Variants in SYN2 observed in about 807,000 individuals in gnomAD.
The protein encoded by SYN2 is synapsin II.
A neutral mutation model predicts 50.9 loss-of-function variants in SYN2; 19 were observed. That is an observed-to-expected ratio of 0.37 (90% CI 0.26 to 0.55). SYN2 has a LOEUF of 0.55. Among genes scored for constraint, SYN2 ranks in the 20% least tolerant of loss-of-function variants. SYN2 has a pLI of 0.81. For missense variants in SYN2, 587 were observed against 576.4 expected (o/e 1.02, Z -0.19); for synonymous variants, 255 against 224.9 (o/e 1.13, Z -1.20).
At chr3:12,033,324 G>A (rs1195580854) in intron 1 of SYN2, among the ~76,000 whole-genome samples, 1 of 152,194 alleles carries the variant, frequency 6.6e-6, no homozygotes, top group Non-Finnish European at 1.5e-5. Flanking sequence ...CTTCTGCGTT[G>A]CTCACGCTGG....
chr3:12,189,218 G>A (rs188334767), intron 12 of SYN2, among the ~76,000 whole-genome samples: 2 of 152,328 alleles, frequency 1.3e-5, no homozygotes, highest in East Asian at 3.9e-4. Context: ...TAGGAGTCAA[G>A]AAGGAGAAAA....
intron 1 of SYN2, among the ~76,000 whole-genome samples, chr3:12,052,080 C>T (rs889224951): frequency 6.6e-6 from 1 of 152,104 alleles, no homozygotes; most frequent in Admixed American, 6.6e-5. Context: ...TTCTTTAGCC[C>T]TAGCAGCAAT....
chr3:12,160,993 G>A (rs1280803469), intron 5 of SYN2, among the ~76,000 whole-genome samples: 1 of 152,130 alleles, frequency 6.6e-6, no homozygotes, highest in African/African-American at 2.4e-5. Context: ...GCCTTCACAT[G>A]CAAAGCCTTG....
chr3:12,185,851 C>T, intron 11 of SYN2: 2 of 808,204 alleles, frequency 2.5e-6, no homozygotes, highest in Non-Finnish European at 3.0e-6. Context: ...AATGCTAATG[C>T]AAATGATGCC....
chr3:12,098,190 A>G (rs931884411), intron 1 of SYN2, among the ~76,000 whole-genome samples: 1 of 152,218 alleles, frequency 6.6e-6, no homozygotes, highest in Non-Finnish European at 1.5e-5. Context: ...GCTTATTCTC[A>G]TCAGAAACCA....
At chr3:12,113,431 C>T (rs926846132) in intron 1 of SYN2, among the ~76,000 whole-genome samples, 7 of 151,942 alleles carry the variant, frequency 4.6e-5, no homozygotes, top group African/African-American at 1.2e-4. Flanking sequence ...CTATATTTAC[C>T]CCTCCCCATT....
At chr3:12,189,263 C>T (rs1698403105) in intron 12 of SYN2, among the ~76,000 whole-genome samples, 2 of 152,208 alleles carry the variant, frequency 1.3e-5, no homozygotes, top group Admixed American at 6.5e-5. Flanking sequence ...CTCATGTCCT[C>T]TCCTGGAGTA....
At chr3:12,089,213 A>G (rs1254128261) in intron 1 of SYN2, among the ~76,000 whole-genome samples, 1 of 152,228 alleles carries the variant, frequency 6.6e-6, no homozygotes, top group Non-Finnish European at 1.5e-5. Flanking sequence ...TTACAGTTCC[A>G]CATGGCTGGG....
chr3:12,090,425 C>G (rs979511214), intron 1 of SYN2, among the ~76,000 whole-genome samples: 3 of 152,114 alleles, frequency 2.0e-5, no homozygotes, highest in Non-Finnish European at 4.4e-5. Context: ...AGAGATGACA[C>G]AATGTAGTGG....
rs1474703273 is a variant in SYN2, at chr3:12,017,269, G to A, written c.377+12341G>A. 3.9e-5 allele frequency among the ~76,000 whole-genome samples: 6 copies of A among 152,278 alleles called. No individual in the cohort carries two copies. In the East Asian group the frequency reaches 1.2e-3, roughly 29 times the overall value. On this transcript the variant is annotated intron_variant, in intron 1 of 12. Coordinates refer to ENST00000621198, the MANE Select transcript of SYN2 (RefSeq NM_133625.6). ...AAAATGATAATACATAATGTATTGGGCATGTATTTTGTGACAGGCAGGCAC... is the reference window on the plus strand; with the variant it reads ...AAAATGATAATACATAATGTATTGGACATGTATTTTGTGACAGGCAGGCAC...
intron 1 of SYN2, among the ~76,000 whole-genome samples, chr3:12,034,860 A>G (rs974612953): frequency 2.6e-5 from 4 of 152,120 alleles, no homozygotes; most frequent in Non-Finnish European, 5.9e-5. Flanking sequence ...CTCACATGCA[A>G]AATATATTTA....
intron 1 of SYN2, among the ~76,000 whole-genome samples, chr3:12,084,750 A>G (rs1695655652): frequency 6.6e-6 from 1 of 152,240 alleles, no homozygotes; most frequent in Non-Finnish European, 1.5e-5. Context: ...ATGTGATACC[A>G]AACACATAAA....
intron 1 of SYN2, among the ~76,000 whole-genome samples, chr3:12,034,548 C>T (rs1487578741): frequency 6.6e-6 from 1 of 152,104 alleles, no homozygotes. Flanking sequence ...GCTAGGAAGT[C>T]TAAGATCAAG....
chr3:12,054,726 ACTTTTT>A (rs1216083371), intron 1 of SYN2, among the ~76,000 whole-genome samples: 1 of 145,134 alleles, frequency 6.9e-6, no homozygotes, highest in Non-Finnish European at 1.5e-5. Flanking sequence ...CTTGGATCCC[ACTTTTT>A]CTTTTTTGCT....
chr3:12,022,031 C>T (rs113622011), intron 1 of SYN2, among the ~76,000 whole-genome samples: 1 of 151,728 alleles, frequency 6.6e-6, no homozygotes, highest in African/African-American at 2.4e-5. Flanking sequence ...GATCACACTG[C>T]CTCACTCCAG....
intron 11 of SYN2, chr3:12,183,738 G>C (rs1698276198): frequency 8.5e-7 from 1 of 1,175,826 alleles, no homozygotes; most frequent in Non-Finnish European, 1.1e-6. Flanking sequence ...TTATCTTCTG[G>C]GTGGTTTGAT....
intron 1 of SYN2, among the ~76,000 whole-genome samples, chr3:12,077,184 T>A (rs1443985453): frequency 6.6e-6 from 1 of 152,110 alleles, no homozygotes; most frequent in Non-Finnish European, 1.5e-5. Context: ...AAGTTAAGCA[T>A]TGAGCTTGGT....
chr3:12,122,910 G>A (rs1696591463), intron 1 of SYN2, among the ~76,000 whole-genome samples: 1 of 151,810 alleles, frequency 6.6e-6, no homozygotes, highest in Admixed American at 6.6e-5. Context: ...ATGATACTAT[G>A]AATAAAATAA....
At chr3:12,050,846 C>T (rs1694845741) in intron 1 of SYN2, among the ~76,000 whole-genome samples, 1 of 148,560 alleles carries the variant, frequency 6.7e-6, no homozygotes. Context: ...CGCCATTCTC[C>T]TGCCTCAGCC....
Sources: gnomAD v4.1 joint callset for allele counts (sites outside exome capture counted in the v4.1 genomes callset) on GRCh38, gnomAD v4.1.1 for gene constraint, MANE v1.5 for transcripts, NCBI Gene and HGNC (gene_info 2026-07-23, HGNC 2026-07-21) for gene names.